TTN: variants seen among roughly 807,000 people sequenced by gnomAD.
TTN encodes connectin.
A neutral mutation model predicts 3,223.0 loss-of-function variants in TTN; 1,525 were observed. That is an observed-to-expected ratio of 0.47 (90% CI 0.45 to 0.49). The LOEUF (loss-of-function observed/expected upper bound fraction) is 0.49. TTN is among the 20% of genes least tolerant of loss of function. The pLI is 0.00. For missense variants in TTN, 40,786 were observed against 43,424.0 expected (o/e 0.94, Z 5.40); for synonymous variants, 14,094 against 15,161.0 (o/e 0.93, Z 5.17).
rs1177053668 is a variant in TTN at position 178,725,852 on chromosome 2, C to A, written c.20470G>T (p.Asp6824Tyr). Reference sequence around the variant, plus strand: ...TGGTATTCACCGATGTCTGAAGTGTCCACATTGAGAATGTGAATACTTGTG... The same window carrying A: ...TGGTATTCACCGATGTCTGAAGTGTACACATTGAGAATGTGAATACTTGTG... ...FHTSIHILNV[D>Y]TSDIGEYHCK... is the part of the protein sequence containing the mutation. Residue 6824 changes from aspartate (D) to tyrosine (Y), a missense_variant, in exon 70 of 363, where the codon GAC becomes TAC. By Grantham distance (160) the Asp-to-Tyr change is radical. Coordinates refer to ENST00000589042, the MANE Select transcript of TTN (RefSeq NM_001267550.2). The A allele has an allele frequency of 6.2e-7, 1 of 1,613,280 alleles. No homozygotes were observed. The highest frequency in any genetic ancestry group is 8.5e-7 in the Non-Finnish European group (1 of 1,179,482).
rs769150165 is a variant in TTN, at chr2:178,532,144, T to C, written c.104471A>G (p.His34824Arg). ...EIEEEYEISK[H>R]AQRESSSSAS... Reference sequence around the variant, plus strand: ...AGATGAGGATGATTCTCTTTGAGCATGTTTTGAGATTTCGTATTCTTCCTC... The same window carrying C: ...AGATGAGGATGATTCTCTTTGAGCACGTTTTGAGATTTCGTATTCTTCCTC... Residue 34824 changes from histidine (H) to arginine (R), a missense_variant, in exon 358 of 363, where the codon CAT (histidine) becomes CGT (arginine). Transcript: ENST00000589042. 42 of 1,613,804 alleles carry C rather than the reference T, an allele frequency of 2.6e-5. No homozygotes were observed. The highest frequency in any genetic ancestry group is 3.2e-5 in the Non-Finnish European group (38 of 1,179,886).
rs376999335 is a variant in TTN at position 178,539,846 on chromosome 2, T to G, written c.98219A>C (p.Lys32740Thr). The G allele has an allele frequency of 6.2e-7, 1 of 1,613,750 alleles. No homozygotes were observed. Among genetic ancestry groups the G allele is most frequent in the Non-Finnish European group, 8.5e-7 (1 of 1,179,786 alleles). The change falls in exon 352 of 363, where the codon AAG (lysine) becomes ACG (threonine). Residue 32740 changes from lysine to threonine, a missense_variant. Transcript: ENST00000589042. Reference sequence around the variant, plus strand: ...ACGCTTACTAATATCCTGGCCTTCCTTGGTCCATTTACATATTGGGAATGG... The same window carrying G: ...ACGCTTACTAATATCCTGGCCTTCCGTGGTCCATTTACATATTGGGAATGG... ...GKPFPICKWTKEGQDISKRAM... is the reference protein window; with the variant it reads ...GKPFPICKWTTEGQDISKRAM...
Position 178,563,334 on chromosome 2 carries a change from C to T in TTN, c.82798G>A (p.Ala27600Thr), listed in dbSNP as rs11896637. The change falls in exon 326 of 363, where the codon GCA becomes ACA. Residue 27600 changes from alanine (A) to threonine (T), a missense_variant. Transcript: ENST00000589042. This position sits in a 1 kb window ranked among gnomAD's most constrained non-coding sequence, Gnocchi z 4.5. The part of the protein sequence containing the change: ...AWSKPIYDGG[A>T]PVKGYVVEVK... ...TCTACAACATAGCCTTTAACAGGTG[C>T]GCCACCATCATAAATTGGCTTACTC... 10,545 of 1,613,570 alleles carry T rather than the reference C, an allele frequency of 6.5e-3. 523 individuals carry two copies. The African/African-American group carries it at 0.11, about 17-fold the overall frequency.
chr2:178,537,176 G>A lies in TTN; in HGVS notation c.99933C>T (p.Ser33311=), dbSNP rs780775160. The A allele has an allele frequency of 1.2e-6, 2 of 1,613,670 alleles. No homozygotes were observed. The highest frequency in any genetic ancestry group is 1.7e-6 in the Non-Finnish European group (2 of 1,179,722). The change falls in exon 356 of 363, where the codon AGC becomes AGT. Residue 33311 remains serine, a synonymous_variant. Transcript: ENST00000589042. The stretch of plus-strand genomic sequence containing the variant: ...CTCCGTCATCTGCGGGTGGTTTCCA[G>A]CTGATCACTGCGGAGTTCTTCAATA... ...EALLKNSAVI[S]WKPPADDGGS... is the part of the protein sequence containing the mutation.
At position 178,651,479 on chromosome 2, in the gene TTN, T is replaced by C. The variant is rs2062948036; in HGVS notation, c.39521A>G (p.Lys13174Arg). ...PEKKVPLVVPKKPEAPPAKVP... is the reference protein window; with the variant it reads ...PEKKVPLVVPRKPEAPPAKVP... Reference sequence around the variant, plus strand: ...TTTAGCAGGTGGGGCTTCTGGCTTTTTGGGAACCACCAGAGGCACCTTCTT... The same window carrying C: ...TTTAGCAGGTGGGGCTTCTGGCTTTCTGGGAACCACCAGAGGCACCTTCTT... The change falls in exon 207 of 363, where the codon AAA (lysine) becomes AGA (arginine). Residue 13174 changes from lysine (K) to arginine (R), a missense_variant. Coordinates refer to ENST00000589042, the MANE Select transcript of TTN (RefSeq NM_001267550.2). 2 of 1,612,044 alleles carry C rather than the reference T, an allele frequency of 1.2e-6. No homozygotes were observed. The highest frequency in any genetic ancestry group is 1.1e-5 in the South Asian group (1 of 90,774).
In TTN at chr2:178,530,527, C is replaced by T; in HGVS notation, c.106088G>A (p.Gly35363Asp). 6.2e-7 allele frequency: 1 copy of T among 1,613,990 alleles called. No individual in the cohort carries two copies. Among genetic ancestry groups the T allele is most frequent in the Admixed American group, 1.7e-5 (1 of 60,024 alleles). Residue 35363 changes from glycine to aspartate, a missense_variant, in exon 358 of 363, where the codon GGT becomes GAT. By Grantham distance (94) the Gly-to-Asp change is moderately conservative (BLOSUM62 -1). Transcript: ENST00000589042. ...GTTGGTTTTAGACGTTCCACCTTCA[C>T]CAGAAATCTCACAAACATATTCTCC... Reference protein sequence around the residue: ...DQGEYVCEISGEGGTSKTNLQ... With the variant: ...DQGEYVCEISDEGGTSKTNLQ...
At chr2:178,633,700 A>G in intron 231 of TTN, 24 bp from the exon 232 acceptor site, 1 of 1,607,920 alleles carries the variant, frequency 6.2e-7, no homozygotes, top group Non-Finnish European at 8.5e-7. Context: ...TTAGCATAAA[A>G]TTAGAAGAAT....
chr2:178,603,712 A>G (rs1196128758), intron 282 of TTN, among the ~76,000 whole-genome samples, 164 bp downstream of exon 282: 1 of 152,028 alleles, frequency 6.6e-6, no homozygotes, highest in Non-Finnish European at 1.5e-5. Flanking sequence ...GTATGTATAC[A>G]CACATAAATA....
In TTN at chr2:178,712,922, T is replaced by G. The variant is rs761176331; in HGVS notation, c.27103A>C (p.Asn9035His). 8.7e-6 allele frequency: 14 copies of G among 1,613,204 alleles called. No individual in the cohort carries two copies. In the Admixed American group the frequency reaches 1.5e-4, roughly 17 times the overall value. ...PDPMDVLTGT[N>H]VTFTSIVKGT... The stretch of plus-strand genomic sequence containing the variant: ...TTTACGATACTTGTGAAAGTTACAT[T>G]GGTCCCAGTTAAAACATCCATGGGA... The change falls in exon 94 of 363, where the codon AAT becomes CAT. Residue 9035 changes from asparagine (N) to histidine (H), a missense_variant. Asn to His is a moderately conservative substitution (Grantham distance 68). Coordinates refer to ENST00000589042, the MANE Select transcript of TTN (RefSeq NM_001267550.2).
rs973233828 is a variant in TTN, at chr2:178,738,024, A to G, written c.14371+58T>C. ...CATTTCCCACACATGTACAGAAAGC[A>G]AAAAGGACAACAATATGAAATGAAG... On this transcript the variant is annotated intron_variant, in intron 49 of 362. Coordinates refer to ENST00000589042, the MANE Select transcript of TTN (RefSeq NM_001267550.2). 10 of 1,570,686 alleles carry G rather than the reference A, an allele frequency of 6.4e-6. No individual in the cohort carries two copies. The Admixed American group carries it at 1.2e-4, about 19-fold the overall frequency.
rs1397026912 is a variant in TTN at position 178,565,341 on chromosome 2, T to C, written c.80791A>G (p.Thr26931Ala). ...KQTTRVNVEETATSTVLHIKE... is the reference protein window; with the variant it reads ...KQTTRVNVEEAATSTVLHIKE... Reference sequence around the variant, plus strand: ...ATGTGCAAAACAGTTGAGGTAGCTGTTTCTTCAACGTTTACTCTTGTTGTC... The same window carrying C: ...ATGTGCAAAACAGTTGAGGTAGCTGCTTCTTCAACGTTTACTCTTGTTGTC... The change falls in exon 326 of 363, where the codon ACA (threonine) becomes GCA (alanine). Residue 26931 changes from threonine to alanine, a missense_variant. By Grantham distance (58) the Thr-to-Ala change is moderately conservative (BLOSUM62 0). Coordinates refer to ENST00000589042, the MANE Select transcript of TTN (RefSeq NM_001267550.2). The C allele has an allele frequency of 8.1e-6, 13 of 1,613,540 alleles. No individual in the cohort carries two copies. The highest frequency in any genetic ancestry group is 1.1e-5 in the South Asian group (1 of 91,058).
chr2:178,605,364 AG>A, intron 279 of TTN, 49 bp downstream of exon 279: 1 of 1,539,114 alleles, frequency 6.5e-7, no homozygotes, highest in African/African-American at 1.4e-5. Flanking sequence ...TATGGGATAA[AG>A]GCACACTGTA....
chr2:178,732,566 T>A lies in TTN; in HGVS notation c.16495A>T (p.Thr5499Ser), dbSNP rs774316553. 6.2e-7 allele frequency: 1 copy of A among 1,613,716 alleles called. No individual in the cohort carries two copies. The highest frequency in any genetic ancestry group is 8.5e-7 in the Non-Finnish European group (1 of 1,179,734). The change falls in exon 56 of 363, where the codon ACC (threonine) becomes TCC (serine). Residue 5499 changes from threonine (T) to serine (S), a missense_variant. Coordinates refer to ENST00000589042, the MANE Select transcript of TTN (RefSeq NM_001267550.2). The part of the protein sequence containing the change: ...ELVSGGSCYI[T>S]KEALESSLEL... ...AGGGAACTCTCTAAAGCTTCTTTGGTAATATAGCAGCTTCCACCAGAAACC... is the reference window on the plus strand; with the variant it reads ...AGGGAACTCTCTAAAGCTTCTTTGGAAATATAGCAGCTTCCACCAGAAACC...
chr2:178,782,923 T>C lies in TTN; in HGVS notation c.2983A>G (p.Ser995Gly), dbSNP rs1369944497. The C allele has an allele frequency of 2.5e-6, 4 of 1,613,968 alleles. No homozygotes were observed. In the African/African-American group the frequency reaches 5.3e-5, roughly 22 times the overall value. Residue 995 changes from serine (S) to glycine (G), a missense_variant, in exon 18 of 363, where the codon AGT becomes GGT. Ser to Gly is a moderately conservative substitution (Grantham distance 56). Coordinates refer to ENST00000589042, the MANE Select transcript of TTN (RefSeq NM_001267550.2). ...CGAATCATAAGACGAGCAATTCCAC[T>C]CTGGAAGGTTATCTGGAAGTCAATG... is the stretch of plus-strand genomic sequence containing the variant. ...SSIDFQITFQSGIARLMIREA... is the reference protein window; with the variant it reads ...SSIDFQITFQGGIARLMIREA...
Position 178,580,434 on chromosome 2 carries a change from A to T in TTN, c.66945T>A (p.Phe22315Leu). 3 of 1,613,274 alleles carry T rather than the reference A, an allele frequency of 1.9e-6. No individual in the cohort carries two copies. Among genetic ancestry groups the T allele is most frequent in the Non-Finnish European group, 2.5e-6 (3 of 1,179,496 alleles). The change falls in exon 317 of 363, where the codon TTT becomes TTA. Residue 22315 changes from phenylalanine to leucine, a missense_variant. By Grantham distance (22) the Phe-to-Leu change is conservative (BLOSUM62 0). Coordinates refer to ENST00000589042, the MANE Select transcript of TTN (RefSeq NM_001267550.2). ...RIGLDIKSTD[F>L]DTFLRCENVN... ...CATTTTCACAGCGCAAGAAAGTGTCAAAGTCAGTTGACTTTATGTCCAGTC... is the reference window on the plus strand; with the variant it reads ...CATTTTCACAGCGCAAGAAAGTGTCTAAGTCAGTTGACTTTATGTCCAGTC...
chr2:178,725,728 C>A lies in TTN; in HGVS notation c.20554+40G>T. The A allele has an allele frequency of 1.3e-6, 2 of 1,551,296 alleles. 1 individual carries two copies. The highest frequency in any genetic ancestry group is 2.5e-5 in the South Asian group (2 of 79,602). ...AGAGTGAAAAAAGTAGGATTTTGCA[C>A]ATTTATGACATTTCTGCCATGTGGA... On this transcript the variant is annotated intron_variant, in intron 70 of 362. Transcript: ENST00000589042.
chr2:178,652,100 A>G lies in TTN; in HGVS notation c.39291T>C (p.Pro13097=). 1 of 1,613,236 alleles carries G rather than the reference A, an allele frequency of 6.2e-7. No homozygotes were observed. The highest frequency in any genetic ancestry group is 8.5e-7 in the Non-Finnish European group (1 of 1,179,698). Residue 13097 remains proline (P), a synonymous_variant, in exon 204 of 363, where the codon CCT becomes CCC. Transcript: ENST00000589042. Reference sequence around the variant, plus strand: ...TTTGAATAGTTTCATTATTACCTTCAGGGGGAGGACTTTCCGGTTTGGGAG... The same window carrying G: ...TTTGAATAGTTTCATTATTACCTTCGGGGGGAGGACTTTCCGGTTTGGGAG... The part of the protein sequence containing the change: ...AIPPKPESPP[P]EVFEEPEEVA...
At position 178,586,714 on chromosome 2, in the gene TTN, G is replaced by A. The variant is rs747305122; in HGVS notation, c.64187C>T (p.Ala21396Val). ...ACTAGTGATGTAGCCATCGATTTTA[G>A]CACCTCCATCACGTAGGGGAGGTAA... ...AWLPPLRDGG[A>V]KIDGYITSYR... Residue 21396 changes from alanine (A) to valine (V), a missense_variant, in exon 308 of 363, where the codon GCT becomes GTT. Physicochemically the swap from Ala to Val is moderately conservative, Grantham distance 64. Coordinates refer to ENST00000589042, the MANE Select transcript of TTN (RefSeq NM_001267550.2). The A allele has an allele frequency of 6.2e-7, 1 of 1,613,042 alleles. No homozygotes were observed. The highest frequency in any genetic ancestry group is 2.2e-5 in the East Asian group (1 of 44,744).
At position 178,565,570 on chromosome 2, in the gene TTN, C is replaced by T. The variant is rs397517717; in HGVS notation, c.80562G>A (p.Lys26854=). ...CGCTTTTTCCTTTCTCATTATAAGC[C>T]TTGACACGGAACTGATATTCTTGTC... ...SSGQEYQFRV[K]AYNEKGKSDP... Residue 26854 remains lysine (K), a synonymous_variant, in exon 326 of 363, where the codon AAG becomes AAA. Coordinates refer to ENST00000589042, the MANE Select transcript of TTN (RefSeq NM_001267550.2). 1.9e-6 allele frequency: 3 copies of T among 1,613,592 alleles called. No individual in the cohort carries two copies. Among genetic ancestry groups the T allele is most frequent in the Middle Eastern group, 1.7e-4 (1 of 6,050 alleles).
Sources: gnomAD v4.1 joint callset for allele counts (sites outside exome capture counted in the v4.1 genomes callset) on GRCh38, gnomAD v4.1.1 for gene constraint, Gnocchi (gnomAD v3.1) non-coding constraint, MANE v1.5 for transcripts, NCBI Gene and HGNC (gene_info 2026-07-23, HGNC 2026-07-21) for gene names.